DCAF4: variants seen among roughly 807,000 people sequenced by gnomAD.
The protein encoded by DCAF4 is DDB1 and CUL4 associated factor 4, also known as DDB1- and CUL4-associated factor 4.
Under a neutral mutation model 60.9 loss-of-function variants are expected in DCAF4, and 37 were observed. The ratio of observed to expected loss-of-function variants is 0.61; its 90% CI spans 0.47 to 0.80. The LOEUF (loss-of-function observed/expected upper bound fraction) is 0.80, where lower values mean the gene tolerates loss of function less well. Ranked by LOEUF, DCAF4 falls within the 30% of genes least tolerant of loss-of-function variation. DCAF4 has a pLI of 0.00. For synonymous variants in DCAF4, 243 were observed against 254.8 expected, an observed-to-expected ratio of 0.95 and a Z score of 0.44; for missense variants, 577 against 650.0, an observed-to-expected ratio of 0.89 and a Z score of 1.22.
intron 1 of DCAF4, among the ~76,000 whole-genome samples, chr14:72,937,719 G>A (rs1252177408): frequency 6.6e-6 from 1 of 151,966 alleles, no homozygotes; most frequent in Admixed American, 6.6e-5. Context: ...GCGCCTGGCC[G>A]ACCTGGCAAC....
chr14:72,944,302 A>G (rs1239082732), intron 6 of DCAF4, among the ~76,000 whole-genome samples: 1 of 152,218 alleles, frequency 6.6e-6, no homozygotes, highest in Non-Finnish European at 1.5e-5. Context: ...ATCTGAGTCT[A>G]GTCTCAATGA....
chr14:72,933,044 T>C (rs778338547), intron 1 of DCAF4, among the ~76,000 whole-genome samples: 11 of 152,240 alleles, frequency 7.2e-5, no homozygotes, highest in Non-Finnish European at 1.5e-4. Flanking sequence ...CAGCCCTGGA[T>C]AATTCTTGCT....
rs576066421 is a variant in DCAF4 at position 72,939,460 on chromosome 14, C to G, written c.93-342C>G. Reference sequence around the variant, plus strand: ...AGCCTTGTAACTGCTGTTGTGCTGACAAATGAGCCCAGCTGGTAAAATTCT... The same window carrying G: ...AGCCTTGTAACTGCTGTTGTGCTGAGAAATGAGCCCAGCTGGTAAAATTCT... On this transcript the variant is annotated intron_variant, in intron 2 of 13. Transcript: ENST00000358377. Among the ~76,000 whole-genome samples the G allele has an allele frequency of 1.2e-4, 18 of 152,302 alleles. No homozygotes were observed. In the East Asian group the frequency reaches 3.5e-3, roughly 29 times the overall value.
chr14:72,947,868 G>A (rs1280256660), intron 8 of DCAF4, among the ~76,000 whole-genome samples: 1 of 152,212 alleles, frequency 6.6e-6, no homozygotes, highest in Non-Finnish European at 1.5e-5. Flanking sequence ...GAGCACGGTA[G>A]TACAGTGTCG....
rs1892641366 is a variant in DCAF4 at position 72,958,890 on chromosome 14, T to G, written c.*85T>G. ...TTTACTGCATCTAATGAGGGTGTTTTAAGTGACACTCAGTGTACACAGATC... is the reference window on the plus strand; with the variant it reads ...TTTACTGCATCTAATGAGGGTGTTTGAAGTGACACTCAGTGTACACAGATC... On this transcript the variant is annotated 3_prime_UTR_variant, in exon 14 of 14. Transcript: ENST00000358377. 1.3e-6 allele frequency: 2 copies of G among 1,496,902 alleles called. No individual in the cohort carries two copies. Among genetic ancestry groups the G allele is most frequent in the South Asian group, 2.7e-5 (2 of 73,660 alleles). The allele number at this position is 1,496,902 out of a possible 1,614,324, so 92.7% of individuals were successfully genotyped here. A position where few individuals can be genotyped will look rare whatever the true frequency, so the allele number is the denominator to read the frequency against.
intron 1 of DCAF4, among the ~76,000 whole-genome samples, chr14:72,932,765 T>C (rs1888732148): frequency 6.6e-6 from 1 of 152,216 alleles, no homozygotes. Flanking sequence ...AGATGGAGTC[T>C]TGCTATGTTG....
At chr14:72,944,656 G>A (rs1890489831) in intron 6 of DCAF4, among the ~76,000 whole-genome samples, 1 of 152,134 alleles carries the variant, frequency 6.6e-6, no homozygotes, top group African/African-American at 2.4e-5. Flanking sequence ...GCTGGGCATG[G>A]TGGTGTGTGC....
chr14:72,957,930 ACC>A (rs1892512776), intron 13 of DCAF4: 1 of 152,988 alleles, frequency 6.5e-6, no homozygotes, highest in South Asian at 2.1e-4. Context: ...GAAGCATTAA[ACC>A]AGAAAGAGCT....
chr14:72,955,387 A>G, intron 11 of DCAF4, 136 bp from the exon 12 acceptor site: 1 of 1,067,494 alleles, frequency 9.4e-7, no homozygotes, highest in East Asian at 2.4e-5. Context: ...TTGAGACCCA[A>G]ACCCTGACCA....
At chr14:72,954,526 T>C in intron 11 of DCAF4, 43 bp downstream of exon 11, 3 of 1,594,942 alleles carry the variant, frequency 1.9e-6, no homozygotes, top group Non-Finnish European at 2.6e-6. Flanking sequence ...GTTTGCCCCA[T>C]GTAGAAATTT....
intron 1 of DCAF4, among the ~76,000 whole-genome samples, chr14:72,930,266 AGTTT>A (rs980030222): frequency 1.5e-5 from 2 of 133,764 alleles, no homozygotes; most frequent in Non-Finnish European, 3.2e-5. Flanking sequence ...TTTGAGACGG[AGTTT>A]TTTTTGTTTG....
At position 72,951,857 on chromosome 14, in the gene DCAF4, T is replaced by C; in HGVS notation, c.788T>C (p.Leu263Pro). Residue 263 changes from leucine (L) to proline (P), a missense_variant, in exon 9 of 14, where the codon CTG becomes CCG. Leu to Pro is a moderately conservative substitution (Grantham distance 98, BLOSUM62 -3). Coordinates refer to ENST00000358377, the MANE Select transcript of DCAF4 (RefSeq NM_015604.4). ...TGTGCCACCCTGCTCCCAGCATCAC[T>C]GTTCGTCAATAGTCACCCAGGTACA... ...PGCATLLPAS[L>P]FVNSHPGIDR... 5 of 1,614,128 alleles carry C rather than the reference T, an allele frequency of 3.1e-6. No homozygotes were observed. The highest frequency in any genetic ancestry group is 4.2e-6 in the Non-Finnish European group (5 of 1,180,022).
chr14:72,946,060 A>G (rs1890699240), intron 7 of DCAF4, 33 bp downstream of exon 7: 3 of 1,609,610 alleles, frequency 1.9e-6, no homozygotes, highest in African/African-American at 1.3e-5. Context: ...CTCTCTGCAC[A>G]CTTGACCCTG....
rs1890678812 is a variant in DCAF4, at chr14:72,945,922, TGTTAAA to T, written c.577_582del (p.Lys193_Val194del). ...GTGACCGGCTCTTCACAGTGAACGA[TGTTAAA>T]GTTGGAGGCTCCAAGTATGGTATCA... On this transcript the variant is annotated inframe_deletion, in exon 7 of 14. Transcript: ENST00000358377. 1 of 1,614,198 alleles carries T rather than the reference TGTTAAA, an allele frequency of 6.2e-7. No individual in the cohort carries two copies. Among genetic ancestry groups the T allele is most frequent in the Non-Finnish European group, 8.5e-7 (1 of 1,180,028 alleles).
intron 1 of DCAF4, 23 bp from the exon 2 acceptor site, chr14:72,937,948 A>AT (rs1454290509): frequency 1.3e-6 from 2 of 1,572,744 alleles, no homozygotes; most frequent in East Asian, 2.3e-5. Flanking sequence ...AGATGTATGG[A>AT]TTTTTTTGTT....
intron 8 of DCAF4, among the ~76,000 whole-genome samples, chr14:72,950,660 A>G (rs1167897230): frequency 2.0e-5 from 3 of 152,076 alleles, no homozygotes; most frequent in Non-Finnish European, 2.9e-5. Context: ...AGGGAACTCC[A>G]ACGACTATGC....
chr14:72,945,785 G>T, intron 6 of DCAF4, 99 bp from the exon 7 acceptor site: 1 of 1,488,164 alleles, frequency 6.7e-7, no homozygotes, highest in Non-Finnish European at 9.1e-7. Flanking sequence ...TAGTGAAAAT[G>T]CACAGAGCAT....
chr14:72,943,750 C>T (rs73309971), intron 6 of DCAF4, among the ~76,000 whole-genome samples: 11 of 152,212 alleles, frequency 7.2e-5, no homozygotes, highest in South Asian at 6.2e-4. Flanking sequence ...AGGGCCTGCC[C>T]GGCAAGCCCT....
intron 8 of DCAF4, 57 bp downstream of exon 8, chr14:72,947,248 TGG>T: frequency 6.3e-7 from 1 of 1,582,922 alleles, no homozygotes; most frequent in Non-Finnish European, 8.7e-7. Context: ...ACGTTGGACC[TGG>T]GTATCTGTGG....
Sources: gnomAD v4.1 joint callset for allele counts (sites outside exome capture counted in the v4.1 genomes callset) on GRCh38, gnomAD v4.1.1 for gene constraint, MANE v1.5 for transcripts, NCBI Gene and HGNC (gene_info 2026-07-23, HGNC 2026-07-21) for gene names.